FHIT: variants seen among roughly 807,000 people sequenced by gnomAD.
FHIT encodes the protein fragile histidine triad diadenosine triphosphatase.
A neutral mutation model predicts 17.9 loss-of-function variants in FHIT; 19 were observed. The ratio of observed to expected loss-of-function variants is 1.06; its 90% CI spans 0.74 to 1.56. FHIT has a LOEUF of 1.56. Among genes scored for constraint, FHIT ranks in the 40% most tolerant of loss-of-function variants. The pLI is 0.00. For synonymous variants in FHIT, 81 were observed against 69.7 expected, an observed-to-expected ratio of 1.16 and a Z score of -0.81; for missense variants, 248 against 189.2, an observed-to-expected ratio of 1.31 and a Z score of -1.82.
chr3:60,488,128 A>G (rs72882107), intron 5 of FHIT, among the ~76,000 whole-genome samples: 2,583 of 152,224 alleles, frequency 0.017, 81 homozygotes, highest in African/African-American at 0.058. Context: ...CAATGGTCTT[A>G]CGATTTAAAT....
At chr3:59,765,556 T>G (rs760567273) in intron 8 of FHIT, among the ~76,000 whole-genome samples, 1 of 152,236 alleles carries the variant, frequency 6.6e-6, no homozygotes. Flanking sequence ...ACTCAGACAG[T>G]CTGATCCTTC....
intron 8 of FHIT, among the ~76,000 whole-genome samples, chr3:59,897,541 C>A (rs1254193336): frequency 6.6e-6 from 1 of 152,190 alleles, no homozygotes; most frequent in Admixed American, 6.5e-5. Flanking sequence ...ATACTCAGTT[C>A]CGTGCTTGGC....
At chr3:61,168,452 A>C (rs1252559530) in intron 2 of FHIT, among the ~76,000 whole-genome samples, 1 of 152,262 alleles carries the variant, frequency 6.6e-6, no homozygotes, top group Non-Finnish European at 1.5e-5. Flanking sequence ...ACCTAATGGC[A>C]GTTGCCTGAG....
intron 5 of FHIT, among the ~76,000 whole-genome samples, chr3:60,160,869 T>A (rs1189766385): frequency 1.3e-5 from 2 of 151,470 alleles, no homozygotes; most frequent in Non-Finnish European, 2.9e-5. Flanking sequence ...AAATACAAAT[T>A]CAAATTTCTC....
intron 8 of FHIT, among the ~76,000 whole-genome samples, chr3:59,921,605 G>A (rs1451324349): frequency 1.3e-5 from 2 of 152,148 alleles, no homozygotes; most frequent in African/African-American, 4.8e-5. Flanking sequence ...GCTCTACCGT[G>A]TGGGGGACAT....
At chr3:60,391,687 A>G (rs372336268) in intron 5 of FHIT, among the ~76,000 whole-genome samples, 1 of 152,242 alleles carries the variant, frequency 6.6e-6, no homozygotes, top group East Asian at 1.9e-4. Flanking sequence ...TGTATAGCCT[A>G]CATGTGCAGT....
At chr3:61,216,887 C>T (rs1447718948) in intron 1 of FHIT, among the ~76,000 whole-genome samples, 2 of 151,594 alleles carry the variant, frequency 1.3e-5, no homozygotes, top group East Asian at 1.9e-4. Context: ...AGTAAACTAT[C>T]GCAAGGACAA....
chr3:60,125,318 T>C (rs1362762417), intron 5 of FHIT, among the ~76,000 whole-genome samples: 3 of 152,078 alleles, frequency 2.0e-5, no homozygotes, highest in South Asian at 2.1e-4. Context: ...TAGAGGGAAA[T>C]TGTGCAAATT....
chr3:60,612,154 T>C (rs546344461), intron 4 of FHIT, among the ~76,000 whole-genome samples: 2 of 152,250 alleles, frequency 1.3e-5, no homozygotes, highest in South Asian at 2.1e-4. Context: ...CCATGGCCTT[T>C]AGTGAAGTGG....
At chr3:60,332,137 T>G (rs111874822) in intron 5 of FHIT, among the ~76,000 whole-genome samples, 8 of 152,352 alleles carry the variant, frequency 5.3e-5, no homozygotes, top group East Asian at 1.9e-4. Flanking sequence ...ATTAATTTAT[T>G]TGGTATTCAC....
At chr3:60,020,762 C>A (rs1330702549) in intron 5 of FHIT, among the ~76,000 whole-genome samples, 2 of 152,160 alleles carry the variant, frequency 1.3e-5, no homozygotes, top group Non-Finnish European at 2.9e-5. Flanking sequence ...GCAGGATGGA[C>A]TGTCAGCTAC....
At position 60,177,463 on chromosome 3, in the gene FHIT, T is replaced by C. The variant is rs1006981822; in HGVS notation, c.104-163311A>G. ...TAACACTAAAGTTTCCAATTAAAAA[T>C]AAAAAACAAGTGAGGTAAAAGGAAT... On this transcript the variant is annotated intron_variant, in intron 5 of 9. Transcript: ENST00000492590. 3.3e-5 allele frequency among the ~76,000 whole-genome samples: 5 copies of C among 152,090 alleles called. No homozygotes were observed. In the East Asian group the frequency reaches 9.6e-4, roughly 29 times the overall value.
At chr3:60,698,482 A>G (rs534465163) in intron 4 of FHIT, among the ~76,000 whole-genome samples, 6 of 152,054 alleles carry the variant, frequency 3.9e-5, no homozygotes, top group Non-Finnish European at 7.4e-5. Flanking sequence ...TGCAAACCTC[A>G]CCCCCAAACA....
chr3:60,493,666 C>T (rs1193680637), intron 5 of FHIT, among the ~76,000 whole-genome samples: 1 of 152,092 alleles, frequency 6.6e-6, no homozygotes, highest in Non-Finnish European at 1.5e-5. Flanking sequence ...AGAAAAAAAT[C>T]TCTACTTTTG....
intron 5 of FHIT, among the ~76,000 whole-genome samples, chr3:60,090,978 A>G (rs935813422): frequency 6.6e-6 from 1 of 152,256 alleles, no homozygotes; most frequent in Non-Finnish European, 1.5e-5. Flanking sequence ...ATACTCATCC[A>G]TAATGACCGA....
chr3:60,196,075 C>G (rs945253697), intron 5 of FHIT, among the ~76,000 whole-genome samples: 5 of 152,074 alleles, frequency 3.3e-5, no homozygotes, highest in African/African-American at 1.2e-4. Flanking sequence ...TTTAATCAAC[C>G]AGTTACTGAG....
chr3:60,381,178 G>A (rs543162382), intron 5 of FHIT, among the ~76,000 whole-genome samples: 1 of 152,120 alleles, frequency 6.6e-6, no homozygotes, highest in South Asian at 2.1e-4. Flanking sequence ...GCTTAGGAGG[G>A]AACATACAAA....
At chr3:60,235,567 T>C (rs912602417) in intron 5 of FHIT, among the ~76,000 whole-genome samples, 13 of 152,136 alleles carry the variant, frequency 8.5e-5, no homozygotes, top group Non-Finnish European at 5.9e-5. Context: ...TTCTCAGACG[T>C]TTGAGAAACT....
intron 5 of FHIT, among the ~76,000 whole-genome samples, chr3:60,383,475 C>G (rs1437026731): frequency 2.6e-5 from 4 of 152,090 alleles, no homozygotes; most frequent in Non-Finnish European, 4.4e-5. Flanking sequence ...CTACTGGCAT[C>G]TAGTGGGTAC....
Sources: allele counts gnomAD v4.1 joint callset (sites outside exome capture counted in the v4.1 genomes callset), GRCh38; gene constraint gnomAD v4.1.1; transcripts MANE v1.5; gene names NCBI Gene and HGNC (gene_info 2026-07-23, HGNC 2026-07-21).